PSG1: variants seen among roughly 807,000 people sequenced by gnomAD.
The protein encoded by PSG1 is pregnancy-specific beta-1-glycoprotein 1.
In PSG1, 60 loss-of-function variants were observed where a neutral mutation model predicts 41.4. The observed-to-expected ratio is 1.45, with a 90% confidence interval of 1.18 to 1.80. PSG1 has a LOEUF of 1.80. Among genes scored for constraint, PSG1 ranks in the 40% most tolerant of loss-of-function variants. The probability of loss-of-function intolerance (pLI) is 0.00; values close to 1 mark genes in which losing one functional copy is unlikely to be tolerated. For synonymous variants in PSG1, 256 were observed against 192.9 expected (o/e 1.33, Z -2.71); for missense variants, 806 against 516.9 (o/e 1.56, Z -5.42).
rs537683731 is a variant in PSG1, at chr19:42,867,833, A to G, written c.1243+268T>C. 3.1e-6 allele frequency: 4 copies of G among 1,310,612 alleles called. No individual in the cohort carries two copies. In the African/African-American group the frequency reaches 4.5e-5, roughly 15 times the overall value. 81.2% of individuals were successfully genotyped at this position (1,310,612 alleles called of 1,614,324 possible). ...GCAAATTTTCAAATAAAAATCATAA[A>G]AACATTATCTTCATTATTATCAATT... On this transcript the variant is annotated intron_variant, in intron 5 of 5. Transcript: ENST00000436291.
chr19:42,872,024 A>T lies in PSG1; in HGVS notation c.452T>A (p.Ile151Asn), dbSNP rs761101659. 6.2e-7 allele frequency: 1 copy of T among 1,612,116 alleles called. No individual in the cohort carries two copies. The highest frequency in any genetic ancestry group is 1.1e-5 in the South Asian group (1 of 90,786). Reference protein sequence around the residue: ...TLHLETPKPSISSSNLNPRET... With the variant: ...TLHLETPKPSNSSSNLNPRET... ...CCTGGGATTTAAGTTGCTGCTGGAG[A>T]TGGAGGGCTTAGGAGTCTCCACTGT... The change falls in exon 3 of 6, where the codon ATC becomes AAC. Residue 151 changes from isoleucine (I) to asparagine (N), a missense_variant. Ile to Asn is a moderately radical substitution (Grantham distance 149). Coordinates refer to ENST00000436291, the MANE Select transcript of PSG1 (RefSeq NM_001184825.2).
At chr19:42,868,050 A>G in intron 5 of PSG1, 51 bp downstream of exon 5, 1 of 1,612,052 alleles carries the variant, frequency 6.2e-7, no homozygotes, top group Non-Finnish European at 8.5e-7. Context: ...TCTGAATGCC[A>G]GATAGACTCC....
rs192202218 is a variant in PSG1, at chr19:42,873,340, T to C, written c.431-1295A>G. On this transcript the variant is annotated intron_variant, in intron 2 of 5. Coordinates refer to ENST00000436291, the MANE Select transcript of PSG1 (RefSeq NM_001184825.2). ...CAATGCGCCAGTGAGCACTTCTTTT[T>C]AGCATCACATCAGTGGTCAGAAGTG... Among the ~76,000 whole-genome samples, 581 of 151,858 alleles carry C rather than the reference T, an allele frequency of 3.8e-3. 12 individuals are homozygous for C. Among genetic ancestry groups the C allele is most frequent in the African/African-American group, 0.013 (549 of 41,402 alleles).
In PSG1 at chr19:42,871,633, C is replaced by G. The variant is rs529132208; in HGVS notation, c.709+134G>C. 3.0e-4 allele frequency: 483 copies of G among 1,602,328 alleles called. 15 individuals carry two copies. Among genetic ancestry groups the G allele is most frequent in the East Asian group, 2.1e-3 (92 of 44,726 alleles). ...GGTCTACTCTGGTTTGCCTGGGGCA[C>G]AAAGTCATGGCCAGGTTTGATGTCC... On this transcript the variant is annotated intron_variant, in intron 3 of 5. Transcript: ENST00000436291.
In PSG1 at chr19:42,871,986, C is replaced by A. The variant is rs746967581; in HGVS notation, c.490G>T (p.Ala164Ser). 1 of 1,612,396 alleles carries A rather than the reference C, an allele frequency of 6.2e-7. No homozygotes were observed. Among genetic ancestry groups the A allele is most frequent in the South Asian group, 1.1e-5 (1 of 90,800 alleles). The change falls in exon 3 of 6, where the codon GCT (alanine) becomes TCT (serine). Residue 164 changes from alanine to serine, a missense_variant. Physicochemically the swap from Ala to Ser is moderately conservative, Grantham distance 99. Coordinates refer to ENST00000436291, the MANE Select transcript of PSG1 (RefSeq NM_001184825.2). ...TCAGGGTCACAGGTTAAGCTCACAG[C>A]CTCCATGGTCTCCCTGGGATTTAAG... ...SNLNPRETMEAVSLTCDPETP... is the reference protein window; with the variant it reads ...SNLNPRETMESVSLTCDPETP...
In PSG1 at chr19:42,879,540, T is replaced by G. The variant is rs1136129; in HGVS notation, c.42A>C (p.Lys14Asn). The change falls in exon 1 of 6, where the codon AAA (lysine) becomes AAC (asparagine). Residue 14 changes from lysine (K) to asparagine (N), a missense_variant. Physicochemically the swap from Lys to Asn is moderately conservative, Grantham distance 94 (BLOSUM62 0). Coordinates refer to ENST00000436291, the MANE Select transcript of PSG1 (RefSeq NM_001184825.2). ...LSAPPCTQRI[K>N]WKGLLLTASL... Reference sequence around the variant, plus strand: ...CACCTGTGAGCAGGAGCCCCTTCCATTTGATGCGCTGTGTGCAGGGAGGGG... The same window carrying G: ...CACCTGTGAGCAGGAGCCCCTTCCAGTTGATGCGCTGTGTGCAGGGAGGGG... 1.6e-5 allele frequency: 25 copies of G among 1,610,258 alleles called. 1 individual carries two copies. Among genetic ancestry groups the G allele is most frequent in the South Asian group, 8.8e-5 (8 of 90,764 alleles).
chr19:42,868,307 G>C lies in PSG1; in HGVS notation c.1037C>G (p.Ser346Ter). The change falls in exon 5 of 6, where the codon TCA becomes TGA. Residue 346 changes from serine (S) to a stop codon, truncating the protein, a stop_gained. Transcript: ENST00000436291. LOFTEE classifies it high-confidence loss of function. ...ACAGGACAAGTAGAGGACTTCTCCT[G>C]AACGGTAATAGGTGAATGAAGGGTA... ...RIYPSFTYYR[S>*]GEVLYLSCSA... 1 of 1,612,154 alleles carries C rather than the reference G, an allele frequency of 6.2e-7. No individual in the cohort carries two copies. Among genetic ancestry groups the C allele is most frequent in the Non-Finnish European group, 8.5e-7 (1 of 1,178,972 alleles).
At chr19:42,868,394 G>T in intron 4 of PSG1, 39 bp from the exon 5 acceptor site, 1 of 1,571,110 alleles carries the variant, frequency 6.4e-7, no homozygotes, top group Non-Finnish European at 8.7e-7. Context: ...GATGTCATCT[G>T]AGGGAAGGGG....
Position 42,878,265 on chromosome 19 carries a change from G to T in PSG1, c.78C>A (p.Asn26Lys). ...GGGCAGTGGTGGGCAGGTTCCAGAAGTTTAAAAGTGATGCTAGGAGGTGGA... is the reference window on the plus strand; with the variant it reads ...GGGCAGTGGTGGGCAGGTTCCAGAATTTTAAAAGTGATGCTAGGAGGTGGA... ...KGLLLTASLLNFWNLPTTAQV... is the reference protein window; with the variant it reads ...KGLLLTASLLKFWNLPTTAQV... Residue 26 changes from asparagine (N) to lysine (K), a missense_variant, in exon 2 of 6, where the codon AAC becomes AAA. Coordinates refer to ENST00000436291, the MANE Select transcript of PSG1 (RefSeq NM_001184825.2). 6.2e-7 allele frequency: 1 copy of T among 1,607,402 alleles called. No individual in the cohort carries two copies. The highest frequency in any genetic ancestry group is 8.5e-7 in the Non-Finnish European group (1 of 1,177,028).
Position 42,879,618 on chromosome 19 carries a change from A to G in PSG1, c.-37T>C, listed in dbSNP as rs1064473. 4.6e-4 allele frequency: 738 copies of G among 1,603,970 alleles called. 16 individuals are homozygous for G. The highest frequency in any genetic ancestry group is 1.3e-3 in the Middle Eastern group (8 of 6,026). Reference sequence around the variant, plus strand: ...CTTGTGTGTTCTCCTCTGTGGAGATAAGCCTAGGATCCAGAAACTCTCTGA... The same window carrying G: ...CTTGTGTGTTCTCCTCTGTGGAGATGAGCCTAGGATCCAGAAACTCTCTGA... On this transcript the variant is annotated 5_prime_UTR_variant, in exon 1 of 6. Transcript: ENST00000436291.
chr19:42,871,727 G>T (rs748142269), intron 3 of PSG1, 40 bp downstream of exon 3: 6 of 1,612,588 alleles, frequency 3.7e-6, no homozygotes, highest in South Asian at 1.1e-5. Context: ...CGTGTATTTG[G>T]GATGGCAGCC....
intron 2 of PSG1, among the ~76,000 whole-genome samples, chr19:42,873,113 G>A (rs1971462429): frequency 6.6e-6 from 1 of 151,572 alleles, no homozygotes; most frequent in Admixed American, 6.6e-5. Flanking sequence ...TGTTCCGTGG[G>A]TGTGCAGTTT....
In PSG1 at chr19:42,869,171, C is replaced by T. The variant is rs1441159388; in HGVS notation, c.710-137G>A. On this transcript the variant is annotated intron_variant, in intron 3 of 5. Transcript: ENST00000436291. ...AAGCCAATAGCTGGTGCTTTTGTCA[C>T]AAGATAGATGCATGATGATCTAAGG... 4.7e-6 allele frequency: 7 copies of T among 1,504,512 alleles called. No individual in the cohort carries two copies. The African/African-American group carries it at 7.0e-5, about 15-fold the overall frequency. The allele number at this position is 1,504,512 out of a possible 1,614,324, so 93.2% of individuals were successfully genotyped here.
At chr19:42,871,180 T>C (rs1432575957) in intron 3 of PSG1, among the ~76,000 whole-genome samples, 2 of 151,568 alleles carry the variant, frequency 1.3e-5, no homozygotes, top group African/African-American at 2.4e-5. Context: ...CAGACCTAGA[T>C]CCCTGTATAT....
rs944968435 is a variant in PSG1, at chr19:42,873,307, A to G, written c.431-1262T>C. Among the ~76,000 whole-genome samples the G allele has an allele frequency of 1.1e-4, 17 of 151,798 alleles. 2 individuals are homozygous for G. Among genetic ancestry groups the G allele is most frequent in the African/African-American group, 4.1e-4 (17 of 41,384 alleles). On this transcript the variant is annotated intron_variant, in intron 2 of 5. Coordinates refer to ENST00000436291, the MANE Select transcript of PSG1 (RefSeq NM_001184825.2). Reference sequence around the variant, plus strand: ...TTAGCATCCCAAATCTGAAAAATTTAAAATCCACAATGCGCCAGTGAGCAC... The same window carrying G: ...TTAGCATCCCAAATCTGAAAAATTTGAAATCCACAATGCGCCAGTGAGCAC...
At chr19:42,869,199 T>C in intron 3 of PSG1, 165 bp from the exon 4 acceptor site, 1 of 1,436,082 alleles carries the variant, frequency 7.0e-7, no homozygotes, top group Non-Finnish European at 9.3e-7. Context: ...ATCTAAGGGC[T>C]CAAAGACTGT....
chr19:42,867,287 A>G (rs1252113841), intron 5 of PSG1, 137 bp from the exon 6 acceptor site: 3 of 678,850 alleles, frequency 4.4e-6, no homozygotes, highest in African/African-American at 3.6e-5. Flanking sequence ...TTTCAGTAGA[A>G]TAAGTTTGTT....
intron 2 of PSG1, among the ~76,000 whole-genome samples, chr19:42,875,824 G>GTTTTT (rs5828150): frequency 7.8e-6 from 1 of 128,958 alleles, no homozygotes; most frequent in Non-Finnish European, 1.6e-5. Flanking sequence ...TTATTTATTT[G>GTTTTT]TTTTTTTTTT....
At chr19:42,871,485 AT>A (rs1306040843) in intron 3 of PSG1, among the ~76,000 whole-genome samples, 1 of 151,676 alleles carries the variant, frequency 6.6e-6, no homozygotes. Flanking sequence ...TCCCAGCCAA[AT>A]CCCCACTGTG....
Sources: allele counts gnomAD v4.1 joint callset (sites outside exome capture counted in the v4.1 genomes callset), GRCh38; gene constraint gnomAD v4.1.1; transcripts MANE v1.5; gene names NCBI Gene and HGNC (gene_info 2026-07-23, HGNC 2026-07-21).